Variants in HTR4 observed in about 807,000 individuals in gnomAD.
The protein encoded by HTR4 is 5-hydroxytryptamine (serotonin) receptor 4, G protein-coupled.
A neutral mutation model predicts 36.8 loss-of-function variants in HTR4; 16 were observed. The ratio of observed to expected loss-of-function variants is 0.43; its 90% CI spans 0.29 to 0.66. The LOEUF (loss-of-function observed/expected upper bound fraction) is 0.66, where lower values mean the gene tolerates loss of function less well. Among genes scored for constraint, HTR4 ranks in the 30% least tolerant of loss-of-function variants. The pLI is 0.13. For synonymous variants in HTR4, 189 were observed against 185.1 expected (o/e 1.02, Z -0.17); for missense variants, 438 against 490.9 (o/e 0.89, Z 1.02).
At chr5:148,638,188 A>T (rs1003592089) in intron 1 of HTR4, among the ~76,000 whole-genome samples, 1 of 152,020 alleles carries the variant, frequency 6.6e-6, no homozygotes, top group African/African-American at 2.4e-5. Context: ...GTGTTTTTCG[A>T]TGTTTGTTTC....
At chr5:148,474,406 C>G (rs559978005), downstream of HTR4, among the ~76,000 whole-genome samples, 6 of 152,068 alleles carry the variant, frequency 3.9e-5, no homozygotes, top group Non-Finnish European at 5.9e-5. Flanking sequence ...CCTATTTGTA[C>G]CCTATTGACA....
At chr5:148,499,576 G>A (rs1323724614) in intron 6 of HTR4, among the ~76,000 whole-genome samples, 5 of 152,136 alleles carry the variant, frequency 3.3e-5, no homozygotes, top group South Asian at 4.1e-4. Flanking sequence ...CTCCCTCAGA[G>A]CCACAGAAAA....
chr5:148,529,278 A>T (rs529199800), intron 4 of HTR4, among the ~76,000 whole-genome samples: 1 of 152,176 alleles, frequency 6.6e-6, no homozygotes, highest in Non-Finnish European at 1.5e-5. Flanking sequence ...GTCCTCTGAT[A>T]TGGTTTGGCT....
chr5:148,505,980 A>G (rs1757183271), intron 6 of HTR4, among the ~76,000 whole-genome samples: 1 of 152,202 alleles, frequency 6.6e-6, no homozygotes, highest in Non-Finnish European at 1.5e-5. Flanking sequence ...TGCCATCCCC[A>G]TCAAGCTACC....
chr5:148,628,297 C>A (rs11956922), intron 2 of HTR4, among the ~76,000 whole-genome samples: 73,529 of 152,034 alleles, frequency 0.48, 18,270 homozygotes, highest in East Asian at 0.68. Context: ...TAGAAATGTG[C>A]CTTTGGGCAA....
At chr5:148,484,376 T>C in intron 6 of HTR4, 2 of 1,611,034 alleles carry the variant, frequency 1.2e-6, no homozygotes, top group Non-Finnish European at 1.7e-6. Flanking sequence ...ACAGAAAATC[T>C]GTCCTAGCAG....
chr5:148,577,866 G>T (rs983729179), intron 2 of HTR4, among the ~76,000 whole-genome samples: 3 of 151,878 alleles, frequency 2.0e-5, no homozygotes, highest in Non-Finnish European at 2.9e-5. Flanking sequence ...TAACTATTGG[G>T]TGCTGGGTTT....
chr5:148,556,921 T>A (rs1299620732), intron 2 of HTR4, among the ~76,000 whole-genome samples: 1 of 152,124 alleles, frequency 6.6e-6, no homozygotes, highest in East Asian at 1.9e-4. Context: ...TGCAGAGAAT[T>A]TGGAAGTCAG....
chr5:148,471,713 A>C (rs1755571956), downstream of HTR4, among the ~76,000 whole-genome samples: 1 of 152,242 alleles, frequency 6.6e-6, no homozygotes, highest in Admixed American at 6.5e-5. Flanking sequence ...ACAGATTCAC[A>C]TTAAAGCAGG....
chr5:148,515,384 A>G (rs544402612), intron 5 of HTR4, among the ~76,000 whole-genome samples: 3 of 152,276 alleles, frequency 2.0e-5, no homozygotes, highest in East Asian at 3.9e-4. Context: ...TTAATAGTCA[A>G]CGTTCTCTTA....
In HTR4 at chr5:148,544,920, C is replaced by A. The variant is rs191336578; in HGVS notation, c.353+3748G>T. On this transcript the variant is annotated intron_variant, in intron 4 of 6. Transcript: ENST00000377888. ...TGATCCCAGAAGACTTGTAGCAGCT[C>A]TAGAGAGAAGGACATGGCATACTGC... Among the ~76,000 whole-genome samples the A allele has an allele frequency of 3.3e-5, 5 of 152,314 alleles. No individual in the cohort carries two copies. In the East Asian group the frequency reaches 9.7e-4, roughly 29 times the overall value.
intron 2 of HTR4, among the ~76,000 whole-genome samples, chr5:148,601,330 A>T (rs1430501951): frequency 6.6e-6 from 1 of 152,168 alleles, no homozygotes; most frequent in African/African-American, 2.4e-5. Flanking sequence ...CAGCAATCCT[A>T]CTTCTGTGTA....
chr5:148,575,526 T>C (rs1358710214), intron 2 of HTR4, among the ~76,000 whole-genome samples: 1 of 152,050 alleles, frequency 6.6e-6, no homozygotes, highest in Non-Finnish European at 1.5e-5. Flanking sequence ...ATTTTGGTAC[T>C]ACCTAGTAAA....
chr5:148,577,024 A>C (rs890128560), intron 2 of HTR4, among the ~76,000 whole-genome samples: 1 of 152,150 alleles, frequency 6.6e-6, no homozygotes, highest in Non-Finnish European at 1.5e-5. Context: ...CTATCAACAG[A>C]GTAAACAGAC....
At chr5:148,646,331 G>A (rs1489210134) in intron 1 of HTR4, 1 of 152,194 alleles carries the variant, frequency 6.6e-6, no homozygotes, top group Non-Finnish European at 1.5e-5. Flanking sequence ...CAAGAGAAAG[G>A]TTTCTGCAGG....
chr5:148,608,080 A>G (rs1385041823), intron 2 of HTR4, among the ~76,000 whole-genome samples: 1 of 152,134 alleles, frequency 6.6e-6, no homozygotes, highest in African/African-American at 2.4e-5. Context: ...CTATACCCCA[A>G]ATCTATCCAA....
intron 6 of HTR4, among the ~76,000 whole-genome samples, chr5:148,501,502 G>A (rs1368034388): frequency 6.6e-6 from 1 of 152,152 alleles, no homozygotes; most frequent in Non-Finnish European, 1.5e-5. Context: ...TGCAAAAATT[G>A]TCTTAGTTGT....
chr5:148,571,741 T>C (rs1760687139), intron 2 of HTR4, among the ~76,000 whole-genome samples: 1 of 151,944 alleles, frequency 6.6e-6, no homozygotes, highest in Admixed American at 6.6e-5. Flanking sequence ...ATGCATGCAG[T>C]TAAAGAAGCT....
intron 6 of HTR4, among the ~76,000 whole-genome samples, chr5:148,508,328 A>T (rs1347772658): frequency 6.6e-6 from 1 of 152,186 alleles, no homozygotes; most frequent in African/African-American, 2.4e-5. Flanking sequence ...GGATGAATGT[A>T]TTTATCACAC....
Sources: allele counts gnomAD v4.1 joint callset (sites outside exome capture counted in the v4.1 genomes callset), GRCh38; gene constraint gnomAD v4.1.1; transcripts MANE v1.5; gene names NCBI Gene and HGNC (gene_info 2026-07-23, HGNC 2026-07-21).